NDST4: variants seen among roughly 807,000 people sequenced by gnomAD.
The protein encoded by NDST4 is N-heparan sulfate sulfotransferase 4.
A neutral mutation model predicts 100.8 loss-of-function variants in NDST4; 63 were observed. The ratio of observed to expected loss-of-function variants is 0.62; its 90% CI spans 0.51 to 0.77. NDST4 has a LOEUF of 0.77. Among genes scored for constraint, NDST4 ranks in the 30% least tolerant of loss-of-function variants. NDST4 has a pLI of 0.00. For synonymous variants in NDST4, 377 were observed against 361.8 expected (o/e 1.04, Z -0.48); for missense variants, 943 against 1,018.4 (o/e 0.93, Z 1.01).
chr4:114,928,399 C>T (rs1340960800), intron 6 of NDST4, among the ~76,000 whole-genome samples: 1 of 152,178 alleles, frequency 6.6e-6, no homozygotes, highest in Admixed American at 6.5e-5. Flanking sequence ...CATAGCCCAT[C>T]ACCTCTCTAT....
intron 2 of NDST4, among the ~76,000 whole-genome samples, chr4:114,997,685 C>T (rs1578440929): frequency 6.6e-6 from 1 of 152,094 alleles, no homozygotes; most frequent in South Asian, 2.1e-4. Flanking sequence ...TCATGTTTCT[C>T]ACATAAATAA....
At chr4:114,943,113 A>G (rs1725785860) in intron 4 of NDST4, among the ~76,000 whole-genome samples, 1 of 148,232 alleles carries the variant, frequency 6.7e-6, no homozygotes, top group Non-Finnish European at 1.5e-5. Flanking sequence ...TGTATATGAT[A>G]AGGATAAGCT....
chr4:115,017,257 A>G (rs1727698503), intron 2 of NDST4, among the ~76,000 whole-genome samples: 1 of 152,070 alleles, frequency 6.6e-6, no homozygotes, highest in African/African-American at 2.4e-5. Context: ...TCAACATACT[A>G]TTACAAAAAC....
intron 7 of NDST4, among the ~76,000 whole-genome samples, chr4:114,858,020 T>C (rs978008390): frequency 1.3e-5 from 2 of 152,188 alleles, no homozygotes; most frequent in African/African-American, 4.8e-5. Context: ...GCCTAACCTC[T>C]GTTGTCAACT....
At chr4:115,083,277 C>A (rs987509609) in intron 1 of NDST4, among the ~76,000 whole-genome samples, 2 of 151,994 alleles carry the variant, frequency 1.3e-5, no homozygotes, top group Non-Finnish European at 1.5e-5. Flanking sequence ...AAAACAAGAT[C>A]TTGTCTCAAC....
intron 1 of NDST4, among the ~76,000 whole-genome samples, chr4:115,090,145 T>C (rs1156332905): frequency 6.6e-6 from 1 of 151,780 alleles, no homozygotes; most frequent in Admixed American, 6.6e-5. Flanking sequence ...TAGAAGACTT[T>C]TTCTAATGAA....
chr4:114,891,803 C>T (rs879099454), intron 6 of NDST4, among the ~76,000 whole-genome samples: 1 of 152,060 alleles, frequency 6.6e-6, no homozygotes, highest in Admixed American at 6.6e-5. Flanking sequence ...ATTTGAGGCC[C>T]TTCATGGTCT....
At chr4:114,872,995 T>C (rs750447145) in intron 6 of NDST4, among the ~76,000 whole-genome samples, 7 of 152,024 alleles carry the variant, frequency 4.6e-5, no homozygotes, top group South Asian at 2.1e-4. Context: ...TAGAAAACTA[T>C]ATAAGTATTA....
At chr4:115,061,099 C>T (rs1467010908) in intron 2 of NDST4, among the ~76,000 whole-genome samples, 1 of 151,980 alleles carries the variant, frequency 6.6e-6, no homozygotes, top group Non-Finnish European at 1.5e-5. Flanking sequence ...TAGAGAAATG[C>T]AAATCAAAAC....
intron 2 of NDST4, among the ~76,000 whole-genome samples, chr4:115,068,818 A>C (rs1560587978): frequency 6.7e-6 from 1 of 149,812 alleles, no homozygotes; most frequent in Admixed American, 6.7e-5. Flanking sequence ...TCCATCTCAA[A>C]AAAAAAAAAA....
chr4:115,072,796 C>A (rs1729103632), intron 2 of NDST4, among the ~76,000 whole-genome samples: 1 of 151,658 alleles, frequency 6.6e-6, no homozygotes, highest in Middle Eastern at 3.4e-3. Context: ...TAGATATGAC[C>A]CAAAAACACA....
In NDST4 at chr4:114,837,247, C is replaced by T. The variant is rs184548487; in HGVS notation, c.2286+2131G>A. Reference sequence around the variant, plus strand: ...TTTTGCACTGGTTTTTCCTCATCTTCGTGGATTTATCTACCTTTGATCTTT... The same window carrying T: ...TTTTGCACTGGTTTTTCCTCATCTTTGTGGATTTATCTACCTTTGATCTTT... On this transcript the variant is annotated intron_variant, in intron 11 of 13. Coordinates refer to ENST00000264363, the MANE Select transcript of NDST4 (RefSeq NM_022569.3). 5.3e-5 allele frequency among the ~76,000 whole-genome samples: 8 copies of T among 152,140 alleles called. No homozygotes were observed. In the East Asian group the frequency reaches 7.8e-4, roughly 15 times the overall value.
intron 2 of NDST4, among the ~76,000 whole-genome samples, chr4:115,047,541 T>C (rs1728489591): frequency 6.6e-6 from 1 of 152,154 alleles, no homozygotes; most frequent in Admixed American, 6.5e-5. Flanking sequence ...CATTTGATTT[T>C]AATTCCGATA....
At position 114,992,255 on chromosome 4, in the gene NDST4, C is replaced by T. The variant is rs1727056775; in HGVS notation, c.979-14981G>A. ...TTTACATCTCCTTAAGCTACTCTTG[C>T]CTGCAACATTTAAAGGTATCTTAAT... On this transcript the variant is annotated intron_variant, in intron 2 of 13. Coordinates refer to ENST00000264363, the MANE Select transcript of NDST4 (RefSeq NM_022569.3). Among the ~76,000 whole-genome samples the T allele has an allele frequency of 2.0e-5, 3 of 151,614 alleles. No individual in the cohort carries two copies. In the South Asian group the frequency reaches 6.2e-4, roughly 31 times the overall value.
At position 114,848,295 on chromosome 4, in the gene NDST4, G is replaced by A. The variant is rs200235249; in HGVS notation, c.1860C>T (p.Ile620=). Residue 620 remains isoleucine, a synonymous_variant, in exon 9 of 14, where the codon ATC becomes ATT. Transcript: ENST00000264363. ...TCTTTGGACTAGGGAGATTGCTGAT[G>A]ATTGAAGGATGCATAAGAAGAAATA... The part of the protein sequence containing the change: ...LYLFLLMHPS[I]ISNLPSPKTF... The A allele has an allele frequency of 6.8e-6, 11 of 1,607,470 alleles. No homozygotes were observed. Among genetic ancestry groups the A allele is most frequent in the East Asian group, 4.5e-5 (2 of 44,714 alleles).
At chr4:115,110,369 A>G (rs1168553918) in intron 1 of NDST4, among the ~76,000 whole-genome samples, 1 of 152,012 alleles carries the variant, frequency 6.6e-6, no homozygotes, top group African/African-American at 2.4e-5. Context: ...ATTGTGTCTG[A>G]CACCTGACCC....
rs1723109049 is a variant in NDST4, at chr4:114,827,771, T to TG, written c.*44_*45insC. The TG allele has an allele frequency of 6.3e-7, 1 of 1,585,816 alleles. No individual in the cohort carries two copies. Among genetic ancestry groups the TG allele is most frequent in the South Asian group, 1.2e-5 (1 of 85,578 alleles). ...GAATAAAGGTGGATTTATTTTTTTT[T>TG]TAACACTAAAAGTATCTTGAGAGGC... On this transcript the variant is annotated 3_prime_UTR_variant, in exon 14 of 14. Coordinates refer to ENST00000264363, the MANE Select transcript of NDST4 (RefSeq NM_022569.3).
intron 1 of NDST4, among the ~76,000 whole-genome samples, chr4:115,112,862 A>G (rs1729982109): frequency 6.6e-6 from 1 of 151,900 alleles, no homozygotes; most frequent in South Asian, 2.1e-4. Flanking sequence ...CTTTTCTAAT[A>G]GGAGGTAGGA....
intron 2 of NDST4, among the ~76,000 whole-genome samples, chr4:115,067,746 CT>C (rs1042393647): frequency 2.7e-5 from 4 of 148,890 alleles, no homozygotes; most frequent in Non-Finnish European, 6.0e-5. Flanking sequence ...TTTTGTTTTT[CT>C]TTTTTTATTA....
Sources: gnomAD v4.1 joint callset for allele counts (sites outside exome capture counted in the v4.1 genomes callset) on GRCh38, gnomAD v4.1.1 for gene constraint, MANE v1.5 for transcripts, NCBI Gene and HGNC (gene_info 2026-07-23, HGNC 2026-07-21) for gene names.